SDF4: variants seen among roughly 807,000 people sequenced by gnomAD.
SDF4 encodes the protein 45 kDa calcium-binding protein.
A neutral mutation model predicts 34.2 loss-of-function variants in SDF4; 22 were observed. That is an observed-to-expected ratio of 0.64 (90% CI 0.46 to 0.92). The LOEUF (loss-of-function observed/expected upper bound fraction) is 0.92, where lower values mean the gene tolerates loss of function less well. Ranked by LOEUF, SDF4 falls within the 40% of genes least tolerant of loss-of-function variation. The pLI is 0.00. For synonymous variants in SDF4, 236 were observed against 203.1 expected (o/e 1.16, Z -1.38); for missense variants, 447 against 499.9 (o/e 0.89, Z 1.01).
In SDF4 at chr1:1,218,360, A is replaced by T. The variant is rs994489852; in HGVS notation, c.891+98T>A. The T allele has an allele frequency of 3.2e-5, 43 of 1,333,594 alleles. No homozygotes were observed. In the East Asian group the frequency reaches 1.0e-3, roughly 32 times the overall value. 82.6% of individuals were successfully genotyped at this position (1,333,594 alleles called of 1,614,324 possible). ...GCCCAGATGGAGTCTCAGGCCAGACACCAGCACAGCTTCCTGCCTCAGGCC... is the reference window on the plus strand; with the variant it reads ...GCCCAGATGGAGTCTCAGGCCAGACTCCAGCACAGCTTCCTGCCTCAGGCC... On this transcript the variant is annotated intron_variant, in intron 6 of 6. Coordinates refer to ENST00000360001, the MANE Select transcript of SDF4 (RefSeq NM_016176.6). The surrounding 1 kb of genome is among the most constrained non-coding windows in gnomAD (Gnocchi z 7.9).
chr1:1,226,022 C>T (rs1638296720), intron 2 of SDF4, among the ~76,000 whole-genome samples: 1 of 152,200 alleles, frequency 6.6e-6, no homozygotes, highest in Non-Finnish European at 1.5e-5. Flanking sequence ...GCTGGCAGAA[C>T]ACAGATGTGA....
chr1:1,217,482 TG>T lies in SDF4; in HGVS notation c.*29del, dbSNP rs900362949. On this transcript the variant is annotated 3_prime_UTR_variant, in exon 7 of 7. Transcript: ENST00000360001. The surrounding 1 kb of genome is among the most constrained non-coding windows in gnomAD (Gnocchi z 8.5). ...CCCGCGAGGCCGCCCCGGTGGTGCG[TG>T]GGGGGCGGCGCGGGGCGCGGCCGGG... 2.7e-6 allele frequency: 4 copies of T among 1,471,308 alleles called. No individual in the cohort carries two copies. Among genetic ancestry groups the T allele is most frequent in the Non-Finnish European group, 3.6e-6 (4 of 1,108,516 alleles). 91.1% of individuals were successfully genotyped at this position (1,471,308 alleles called of 1,614,324 possible).
intron 2 of SDF4, among the ~76,000 whole-genome samples, chr1:1,227,827 G>A (rs554501075): frequency 5.3e-5 from 8 of 152,288 alleles, no homozygotes; most frequent in South Asian, 2.1e-4. Flanking sequence ...GAGAAAGCTC[G>A]GCACTAGGCA....
chr1:1,223,505 C>A, intron 3 of SDF4, 148 bp from the exon 4 acceptor site: 2 of 672,878 alleles, frequency 3.0e-6, no homozygotes, highest in South Asian at 1.9e-5. Flanking sequence ...CACCCCACAC[C>A]CGTTTCCTCA....
In SDF4 at chr1:1,223,118, C is replaced by G. The variant is rs936247484; in HGVS notation, c.556+126G>C. On this transcript the variant is annotated intron_variant, in intron 4 of 6. Transcript: ENST00000360001. ...CACTCGTACACACGGCACGCACACA[C>G]GTACTCACGAGCACACGCACGGCAC... is the stretch of plus-strand genomic sequence containing the variant. 19 of 699,140 alleles carry G rather than the reference C, an allele frequency of 2.7e-5. No individual in the cohort carries two copies. In the African/African-American group the frequency reaches 3.0e-4, roughly 11 times the overall value. 43.3% of individuals were successfully genotyped at this position (699,140 alleles called of 1,614,324 possible).
chr1:1,217,978 A>T lies in SDF4; in HGVS notation c.892-290T>A, dbSNP rs1010972757. ...TGGGCCGGGCCCACTGGCTGTCGCC[A>T]GGAATCACAGGATTCTACATAAAAA... On this transcript the variant is annotated intron_variant, in intron 6 of 6. Transcript: ENST00000360001. The surrounding 1 kb of genome is among the most constrained non-coding windows in gnomAD (Gnocchi z 8.5). Among the ~76,000 whole-genome samples, 1 of 152,214 alleles carries T rather than the reference A, an allele frequency of 6.6e-6. No homozygotes were observed. Among genetic ancestry groups the T allele is most frequent in the African/African-American group, 2.4e-5 (1 of 41,470 alleles).
chr1:1,218,249 C>T lies in SDF4; in HGVS notation c.891+209G>A, dbSNP rs556133781. 6.6e-6 allele frequency among the ~76,000 whole-genome samples: 1 copy of T among 152,094 alleles called. No individual in the cohort carries two copies. The highest frequency in any genetic ancestry group is 2.1e-4 in the South Asian group (1 of 4,812). On this transcript the variant is annotated intron_variant, in intron 6 of 6. Coordinates refer to ENST00000360001, the MANE Select transcript of SDF4 (RefSeq NM_016176.6). The surrounding 1 kb of genome is among the most constrained non-coding windows in gnomAD (Gnocchi z 7.9). ...GCTGAGGATGGAGCCCGGCCAGGCT[C>T]GCCTGTCTCTGATCCGTCTGAACCT... is the stretch of plus-strand genomic sequence containing the variant.
chr1:1,223,288 G>A lies in SDF4; in HGVS notation c.512C>T (p.Ala171Val), dbSNP rs1650086314. 1.9e-6 allele frequency: 3 copies of A among 1,614,076 alleles called. No individual in the cohort carries two copies. The change falls in exon 4 of 7, where the codon GCC becomes GTC. Residue 171 changes from alanine to valine, a missense_variant. Ala to Val is a moderately conservative substitution (Grantham distance 64). Coordinates refer to ENST00000360001, the MANE Select transcript of SDF4 (RefSeq NM_016176.6). ...TTCCTCGTTGAGCCTGATGGCGTCG[G>A]CAACCTCCTTCTCGCTATGGCCTTT... The part of the protein sequence containing the change: ...ASKGHSEKEV[A>V]DAIRLNEELK...
chr1:1,219,926 C>T (rs557326408), intron 4 of SDF4: 1 of 985,610 alleles, frequency 1.0e-6, no homozygotes, highest in East Asian at 1.1e-4. Context: ...CCTTTCTGAA[C>T]AACCTCCATC....
At chr1:1,225,348 G>A (rs575896703) in intron 2 of SDF4, among the ~76,000 whole-genome samples, 29 of 152,280 alleles carry the variant, frequency 1.9e-4, no homozygotes, top group Non-Finnish European at 3.5e-4. Context: ...AGGGGCAGCC[G>A]CGGCCACGTT....
intron 4 of SDF4, chr1:1,220,870 G>A: frequency 1.3e-6 from 1 of 779,206 alleles, no homozygotes; most frequent in African/African-American, 1.8e-5. Context: ...TAAAGACGCA[G>A]TCAGGACAGC....
At chr1:1,225,106 C>T (rs920620634) in intron 2 of SDF4, among the ~76,000 whole-genome samples, 62 of 152,312 alleles carry the variant, frequency 4.1e-4, no homozygotes, top group African/African-American at 1.4e-3. Flanking sequence ...TCACTCCCGT[C>T]CCAGCTTCAG....
intron 4 of SDF4, chr1:1,219,211 C>T: frequency 8.0e-7 from 1 of 1,251,490 alleles, no homozygotes; most frequent in Non-Finnish European, 1.0e-6. Flanking sequence ...GGACCCCCCC[C>T]TGCCCCAGAC....
chr1:1,219,203 AC>A (rs573538759), intron 4 of SDF4: 607 of 1,192,858 alleles, frequency 5.1e-4, no homozygotes, highest in South Asian at 1.9e-3. Context: ...GACAGCCTGG[AC>A]CCCCCCCTGC....
At position 1,218,611 on chromosome 1, in the gene SDF4, G is replaced by A. The variant is rs752317746; in HGVS notation, c.738C>T (p.Leu246=). 6.2e-7 allele frequency: 1 copy of A among 1,614,010 alleles called. No homozygotes were observed. Among genetic ancestry groups the A allele is most frequent in the Admixed American group, 1.7e-5 (1 of 60,032 alleles). Residue 246 remains leucine (L), a synonymous_variant, in exon 6 of 7, where the codon CTC becomes CTT. Coordinates refer to ENST00000360001, the MANE Select transcript of SDF4 (RefSeq NM_016176.6). This position sits in a 1 kb window ranked among gnomAD's most constrained non-coding sequence, Gnocchi z 7.9. The stretch of plus-strand genomic sequence containing the variant: ...GCAGGGAGATGAACTCGGGCACAGA[G>A]AGCTGCTTGTCACCGTCCTGGTCTG... ...RDLDQDGDKQ[L]SVPEFISLPV...
intron 4 of SDF4, among the ~76,000 whole-genome samples, chr1:1,222,163 A>T (rs1252532087): frequency 1.3e-5 from 2 of 152,168 alleles, no homozygotes; most frequent in East Asian, 3.9e-4. Flanking sequence ...GGAGCAGGCG[A>T]CTCTGCACGT....
In SDF4 at chr1:1,223,270, T is replaced by C. The variant is rs1341539591; in HGVS notation, c.530A>G (p.Asn177Ser). 2.5e-6 allele frequency: 4 copies of C among 1,614,068 alleles called. No individual in the cohort carries two copies. The highest frequency in any genetic ancestry group is 3.4e-6 in the Non-Finnish European group (4 of 1,179,958). Residue 177 changes from asparagine (N) to serine (S), a missense_variant, in exon 4 of 7, where the codon AAC (asparagine) becomes AGC (serine). Transcript: ENST00000360001. ...TTCCTCATCCACTTTGAGTTCCTCG[T>C]TGAGCCTGATGGCGTCGGCAACCTC... ...EKEVADAIRLNEELKVDEETQ... is the reference protein window; with the variant it reads ...EKEVADAIRLSEELKVDEETQ...
At chr1:1,230,297 C>G (rs1285821504) in intron 1 of SDF4, among the ~76,000 whole-genome samples, 1 of 152,196 alleles carries the variant, frequency 6.6e-6, no homozygotes, top group Non-Finnish European at 1.5e-5. Flanking sequence ...CGAATGCTAC[C>G]CTGGGTAATA....
At position 1,218,552 on chromosome 1, in the gene SDF4, T is replaced by C; in HGVS notation, c.797A>G (p.Asp266Gly). The change falls in exon 6 of 7, where the codon GAC (aspartate) becomes GGC (glycine). Residue 266 changes from aspartate (D) to glycine (G), a missense_variant. Asp to Gly is a moderately conservative substitution (Grantham distance 94). Transcript: ENST00000360001. This position sits in a 1 kb window ranked among gnomAD's most constrained non-coding sequence, Gnocchi z 7.9. ...VGTVENQQGQ[D>G]IDDNWVKDRK... is the part of the protein sequence containing the mutation. Reference sequence around the variant, plus strand: ...GTCTTTCACCCAGTTGTCGTCAATGTCCTGGCCCTGCTGGTTCTCCACGGT... The same window carrying C: ...GTCTTTCACCCAGTTGTCGTCAATGCCCTGGCCCTGCTGGTTCTCCACGGT... 1 of 1,614,064 alleles carries C rather than the reference T, an allele frequency of 6.2e-7. No homozygotes were observed. The highest frequency in any genetic ancestry group is 2.2e-5 in the East Asian group (1 of 44,862).
Sources: allele counts gnomAD v4.1 joint callset (sites outside exome capture counted in the v4.1 genomes callset), GRCh38; gene constraint gnomAD v4.1.1; non-coding constraint Gnocchi (gnomAD v3.1); transcripts MANE v1.5; gene names NCBI Gene and HGNC (gene_info 2026-07-23, HGNC 2026-07-21).